PLAAT1: variants seen among roughly 807,000 people sequenced by gnomAD.
The protein encoded by PLAAT1 is phospholipase A and acyltransferase 1, also known as H-REV107 protein-related protein.
Under a neutral mutation model 16.4 loss-of-function variants are expected in PLAAT1, and 13 were observed. That is an observed-to-expected ratio of 0.79 (90% CI 0.52 to 1.26). PLAAT1 has a LOEUF of 1.26. Among genes scored for constraint, PLAAT1 ranks in the 50% most tolerant of loss-of-function variants. The pLI, the probability that PLAAT1 is intolerant of heterozygous loss-of-function variation, is 0.00. For missense variants in PLAAT1, 218 were observed against 207.8 expected, an observed-to-expected ratio of 1.05 and a Z score of -0.30; for synonymous variants, 73 against 78.4, an observed-to-expected ratio of 0.93 and a Z score of 0.36.
intron 1 of PLAAT1, among the ~76,000 whole-genome samples, chr3:193,253,302 T>TAC (rs1491316842): frequency 1.3e-5 from 2 of 152,340 alleles, no homozygotes; most frequent in South Asian, 2.1e-4. Flanking sequence ...CTTAACAGTT[T>TAC]ATGAATCAAT....
At chr3:193,279,306 C>T (rs1349883781), downstream of PLAAT1, 3 of 1,300,374 alleles carry the variant, frequency 2.3e-6, no homozygotes, top group Non-Finnish European at 3.3e-6. Context: ...TTGTGAATTA[C>T]AATGAATACA....
intron 1 of PLAAT1, among the ~76,000 whole-genome samples, chr3:193,247,568 G>A (rs1716026779): frequency 6.6e-6 from 1 of 152,048 alleles, no homozygotes. Context: ...ATTATTCCTG[G>A]TCATGAGACA....
Position 193,269,604 on chromosome 3 carries a change from T to C in PLAAT1, c.406-1000T>C, listed in dbSNP as rs375984947. Among the ~76,000 whole-genome samples, 8 of 152,220 alleles carry C rather than the reference T, an allele frequency of 5.3e-5. No homozygotes were observed. The East Asian group carries it at 9.6e-4, about 18-fold the overall frequency. ...GCTCAAATATGACCTGGGTTAGGCTTTCCAGCTCTTAGACTGGTTCCCCAG... is the reference window on the plus strand; with the variant it reads ...GCTCAAATATGACCTGGGTTAGGCTCTCCAGCTCTTAGACTGGTTCCCCAG... On this transcript the variant is annotated intron_variant, in intron 3 of 3. Coordinates refer to ENST00000264735, the MANE Select transcript of PLAAT1 (RefSeq NM_020386.5).
At chr3:193,276,989 C>T (rs923922403) in intron 2 of PLAAT1, among the ~76,000 whole-genome samples, 1 of 152,148 alleles carries the variant, frequency 6.6e-6, no homozygotes, top group East Asian at 1.9e-4. Flanking sequence ...GGACTCAAAG[C>T]CTATAAATAA....
chr3:193,267,801 A>G (rs1716832330), intron 3 of PLAAT1, among the ~76,000 whole-genome samples: 1 of 152,212 alleles, frequency 6.6e-6, no homozygotes, highest in Non-Finnish European at 1.5e-5. Flanking sequence ...ATCTTCCTGA[A>G]TGAATGTATC....
chr3:193,251,472 G>C (rs1454148712), intron 1 of PLAAT1, among the ~76,000 whole-genome samples: 1 of 152,168 alleles, frequency 6.6e-6, no homozygotes, highest in Non-Finnish European at 1.5e-5. Context: ...CTGATTCTGG[G>C]CACTACAGCA....
At chr3:193,247,150 A>C (rs777842572) in intron 1 of PLAAT1, among the ~76,000 whole-genome samples, 1 of 152,168 alleles carries the variant, frequency 6.6e-6, no homozygotes, top group African/African-American at 2.4e-5. Context: ...TTAGCTGTTC[A>C]TAGTAGTCTT....
At chr3:193,276,774 T>C (rs1717230389) in intron 2 of PLAAT1, 3 of 1,612,630 alleles carry the variant, frequency 1.9e-6, no homozygotes, top group Admixed American at 3.3e-5. Flanking sequence ...CCACACAGAA[T>C]TGGGTGAGGG....
Position 193,263,105 on chromosome 3 carries a change from C to G in PLAAT1, c.275C>G (p.Pro92Arg), listed in dbSNP as rs1211355155. ...INNKYDETYP[P>R]LPVEEIIKRS... ...AATAAATACGATGAAACGTACCCCC[C>G]TCTCCCTGTGGAAGAAATCATAAAG... The change falls in exon 3 of 4, where the codon CCT becomes CGT. Residue 92 changes from proline (P) to arginine (R), a missense_variant. Physicochemically the swap from Pro to Arg is moderately radical, Grantham distance 103. Coordinates refer to ENST00000264735, the MANE Select transcript of PLAAT1 (RefSeq NM_020386.5). 7 of 1,614,178 alleles carry G rather than the reference C, an allele frequency of 4.3e-6. No individual in the cohort carries two copies. The highest frequency in any genetic ancestry group is 1.7e-5 in the Admixed American group (1 of 60,014).
intron 2 of PLAAT1, among the ~76,000 whole-genome samples, chr3:193,277,114 T>C (rs147872461): frequency 4.0e-4 from 61 of 152,310 alleles, no homozygotes; most frequent in Middle Eastern, 3.4e-3. Flanking sequence ...AGACAGGACA[T>C]TTTGGAGGCT....
downstream of PLAAT1, among the ~76,000 whole-genome samples, chr3:193,279,748 C>T (rs1442652289): frequency 1.3e-5 from 2 of 151,978 alleles, no homozygotes; most frequent in Middle Eastern, 3.2e-3. Flanking sequence ...GTTGTGCTTG[C>T]GTGGGATAAA....
chr3:193,263,281 T>C (rs763562387), intron 3 of PLAAT1, 46 bp downstream of exon 3: 21 of 1,572,538 alleles, frequency 1.3e-5, no homozygotes, highest in Middle Eastern at 1.7e-4. Context: ...AAAGAATAAC[T>C]ATTGGCTATG....
At chr3:193,280,126 C>T (rs950142964), downstream of PLAAT1, among the ~76,000 whole-genome samples, 1 of 152,050 alleles carries the variant, frequency 6.6e-6, no homozygotes, top group African/African-American at 2.4e-5. Flanking sequence ...TCTTGGCTCA[C>T]TGCAACCTCC....
intron 2 of PLAAT1, 77 bp downstream of exon 2, chr3:193,255,866 A>G (rs1346696155): frequency 8.8e-6 from 11 of 1,252,634 alleles, no homozygotes; most frequent in Non-Finnish European, 1.2e-5. Context: ...GGGTGAAATA[A>G]TAAACAAAAC....
In PLAAT1 at chr3:193,241,318, G is replaced by A. The variant is rs1444856134; in HGVS notation, c.-216G>A. Reference sequence around the variant, plus strand: ...GTCTCAGAGCCGCGGAGGGGCCGCCGGGACCGTTTCAGCGTGGCGGCGCTG... The same window carrying A: ...GTCTCAGAGCCGCGGAGGGGCCGCCAGGACCGTTTCAGCGTGGCGGCGCTG... On this transcript the variant is annotated 5_prime_UTR_variant, in exon 1 of 4. Coordinates refer to ENST00000264735, the MANE Select transcript of PLAAT1 (RefSeq NM_020386.5). 2.8e-5 allele frequency: 34 copies of A among 1,231,088 alleles called. No individual in the cohort carries two copies. The highest frequency in any genetic ancestry group is 1.8e-5 in the Non-Finnish European group (18 of 987,626). 76.3% of individuals were successfully genotyped at this position (1,231,088 alleles called of 1,614,324 possible). A position where few individuals can be genotyped will look rare whatever the true frequency, so the allele number is the denominator to read the frequency against.
chr3:193,244,361 G>A (rs1715897122), intron 1 of PLAAT1, among the ~76,000 whole-genome samples: 1 of 152,066 alleles, frequency 6.6e-6, no homozygotes. Flanking sequence ...CAGTGAATGA[G>A]TGATCCAGTT....
intron 3 of PLAAT1, among the ~76,000 whole-genome samples, chr3:193,267,909 G>A (rs139152098): frequency 6.6e-6 from 1 of 152,104 alleles, no homozygotes; most frequent in East Asian, 1.9e-4. Context: ...ATTTTAATAG[G>A]CATCTTGTTT....
chr3:193,275,874 A>C (rs754593476), intron 2 of PLAAT1, among the ~76,000 whole-genome samples: 6 of 152,172 alleles, frequency 3.9e-5, no homozygotes, highest in Non-Finnish European at 7.3e-5. Flanking sequence ...TTAGCCTTTA[A>C]AAATTTTTAT....
At chr3:193,249,382 G>C (rs73888208) in intron 1 of PLAAT1, among the ~76,000 whole-genome samples, 9,381 of 152,152 alleles carry the variant, frequency 0.062, 339 homozygotes, top group Middle Eastern at 0.12. Flanking sequence ...GTAGATTCTT[G>C]TTTAATGTTC....
Sources: gnomAD v4.1 joint callset for allele counts (sites outside exome capture counted in the v4.1 genomes callset) on GRCh38, gnomAD v4.1.1 for gene constraint, MANE v1.5 for transcripts, NCBI Gene and HGNC (gene_info 2026-07-23, HGNC 2026-07-21) for gene names.